UBE2E2: variants seen among roughly 807,000 people sequenced by gnomAD.
The protein encoded by UBE2E2 is ubiquitin-conjugating enzyme E2 E2.
UBE2E2 carries 6 observed loss-of-function variants against 24.7 expected under a neutral mutation model. The ratio of observed to expected loss-of-function variants is 0.24; its 90% CI spans 0.13 to 0.48. UBE2E2 has a LOEUF of 0.48. Among genes scored for constraint, UBE2E2 ranks in the 20% least tolerant of loss-of-function variants. UBE2E2 has a pLI of 0.99. For missense variants in UBE2E2, 169 were observed against 245.0 expected, an observed-to-expected ratio of 0.69 and a Z score of 2.07; for synonymous variants, 104 against 83.6, an observed-to-expected ratio of 1.24 and a Z score of -1.33.
chr3:23,296,034 A>T (rs370186178), intron 3 of UBE2E2, among the ~76,000 whole-genome samples: 4 of 152,270 alleles, frequency 2.6e-5, no homozygotes, highest in South Asian at 2.1e-4. Context: ...AGCTTCAAAC[A>T]TTTCTAAATA....
intron 3 of UBE2E2, among the ~76,000 whole-genome samples, chr3:23,409,222 C>A (rs935665712): frequency 2.6e-5 from 4 of 152,104 alleles, no homozygotes; most frequent in African/African-American, 9.7e-5. Context: ...AAAAATTCAA[C>A]ACAACATCAC....
chr3:23,355,064 T>G (rs1394531640), intron 3 of UBE2E2, among the ~76,000 whole-genome samples: 1 of 151,526 alleles, frequency 6.6e-6, no homozygotes, highest in African/African-American at 2.4e-5. Context: ...AAATGATGAG[T>G]TCATGTCCTT....
rs1288918651 is a variant in UBE2E2, at chr3:23,258,908, A to AG, written c.227+41596_227+41597insG. Among the ~76,000 whole-genome samples, 2 of 150,648 alleles carry AG rather than the reference A, an allele frequency of 1.3e-5. 1 individual carries two copies. The highest frequency in any genetic ancestry group is 4.9e-5 in the African/African-American group (2 of 41,174). Reference sequence around the variant, plus strand: ...ACTCTGTCTCAAAAAAAGAAAAAAAAAAAAAAAAAAAAAAAAGATTCTAAC... The same window carrying AG: ...ACTCTGTCTCAAAAAAAGAAAAAAAAGAAAAAAAAAAAAAAAAGATTCTAAC... On this transcript the variant is annotated intron_variant, in intron 3 of 5. Transcript: ENST00000396703.
At chr3:23,284,397 G>C (rs143604038) in intron 3 of UBE2E2, among the ~76,000 whole-genome samples, 1 of 152,044 alleles carries the variant, frequency 6.6e-6, no homozygotes, top group South Asian at 2.1e-4. Flanking sequence ...CTAAAATAAC[G>C]TAAGGTGATC....
At chr3:23,285,846 C>A (rs913724381) in intron 3 of UBE2E2, among the ~76,000 whole-genome samples, 3 of 152,112 alleles carry the variant, frequency 2.0e-5, no homozygotes, top group African/African-American at 7.2e-5. Context: ...CAGGCACCCA[C>A]CACCACATCT....
chr3:23,553,619 A>G (rs545628391), intron 5 of UBE2E2, among the ~76,000 whole-genome samples: 15 of 152,312 alleles, frequency 9.8e-5, no homozygotes, highest in South Asian at 6.2e-4. Context: ...ATTATTGACA[A>G]TAGTTATTTG....
chr3:23,394,928 A>G (rs1219262132), intron 3 of UBE2E2, among the ~76,000 whole-genome samples: 2 of 152,182 alleles, frequency 1.3e-5, no homozygotes, highest in Non-Finnish European at 2.9e-5. Flanking sequence ...CAGCAAAGCT[A>G]TTGAGCCCAA....
chr3:23,292,084 T>C (rs1246715417), intron 3 of UBE2E2, among the ~76,000 whole-genome samples: 1 of 152,008 alleles, frequency 6.6e-6, no homozygotes, highest in Non-Finnish European at 1.5e-5. Flanking sequence ...GGTCTTGATC[T>C]CCTGACCTCG....
intron 4 of UBE2E2, among the ~76,000 whole-genome samples, chr3:23,530,993 G>T (rs1190472073): frequency 6.6e-6 from 1 of 152,154 alleles, no homozygotes; most frequent in Admixed American, 6.5e-5. Context: ...AAGAATGTTG[G>T]TTATATTTTC....
In UBE2E2 at chr3:23,554,498, C is replaced by A. The variant is rs114262016; in HGVS notation, c.508+21797C>A. On this transcript the variant is annotated intron_variant, in intron 5 of 5. Transcript: ENST00000396703. ...CTGCATTCCAGACTGGGTGACAGAG[C>A]AAGACCCTCTCTCTTTAAAAAAATA... Among the ~76,000 whole-genome samples the A allele has an allele frequency of 7.6e-3, 1,149 of 152,106 alleles. 11 individuals carry two copies. Among genetic ancestry groups the A allele is most frequent in the African/African-American group, 0.02 (840 of 41,512 alleles).
intron 5 of UBE2E2, among the ~76,000 whole-genome samples, chr3:23,545,551 G>T (rs926968828): frequency 2.0e-5 from 3 of 152,112 alleles, no homozygotes; most frequent in Non-Finnish European, 4.4e-5. Context: ...TTTTAGTACA[G>T]AACAAAATGG....
chr3:23,496,847 A>G (rs1484920635), intron 3 of UBE2E2, among the ~76,000 whole-genome samples: 1 of 152,156 alleles, frequency 6.6e-6, no homozygotes, highest in Non-Finnish European at 1.5e-5. Flanking sequence ...GTTTAGAGGT[A>G]CCAGCCCCCT....
intron 4 of UBE2E2, among the ~76,000 whole-genome samples, chr3:23,530,752 A>G (rs1237383777): frequency 3.3e-5 from 5 of 152,146 alleles, no homozygotes; most frequent in Non-Finnish European, 7.4e-5. Flanking sequence ...AGGGCGCTCA[A>G]TTCTAAATTC....
chr3:23,301,996 A>G (rs1486601590), intron 3 of UBE2E2, among the ~76,000 whole-genome samples: 1 of 151,992 alleles, frequency 6.6e-6, no homozygotes, highest in Non-Finnish European at 1.5e-5. Context: ...CTGATAATTC[A>G]GACTTGTGGA....
chr3:23,300,618 G>C (rs376000577), intron 3 of UBE2E2, among the ~76,000 whole-genome samples: 4 of 152,160 alleles, frequency 2.6e-5, no homozygotes, highest in African/African-American at 7.2e-5. Flanking sequence ...GGTCCCCACT[G>C]TCTTCTGGCT....
At chr3:23,429,779 T>A (rs1452788649) in intron 3 of UBE2E2, among the ~76,000 whole-genome samples, 1 of 152,128 alleles carries the variant, frequency 6.6e-6, no homozygotes, top group Non-Finnish European at 1.5e-5. Context: ...CCGAAAAGAA[T>A]CGACAAGAAA....
At chr3:23,266,496 T>C (rs1698053505) in intron 3 of UBE2E2, among the ~76,000 whole-genome samples, 1 of 152,178 alleles carries the variant, frequency 6.6e-6, no homozygotes, top group Non-Finnish European at 1.5e-5. Context: ...TTGTAGAGTT[T>C]CTGCCGAGAG....
At chr3:23,488,918 A>G (rs1444590744) in intron 3 of UBE2E2, among the ~76,000 whole-genome samples, 1 of 152,190 alleles carries the variant, frequency 6.6e-6, no homozygotes, top group Non-Finnish European at 1.5e-5. Flanking sequence ...CTTTCATTAC[A>G]TATTTGAAAC....
chr3:23,463,207 A>T (rs1698848980), intron 3 of UBE2E2, among the ~76,000 whole-genome samples: 1 of 151,966 alleles, frequency 6.6e-6, no homozygotes, highest in South Asian at 2.1e-4. Flanking sequence ...TTCAGAGTAT[A>T]CTCTAGTAAG....
Sources: allele counts gnomAD v4.1 joint callset (sites outside exome capture counted in the v4.1 genomes callset), GRCh38; gene constraint gnomAD v4.1.1; transcripts MANE v1.5; gene names NCBI Gene and HGNC (gene_info 2026-07-23, HGNC 2026-07-21).